Variants in CACNA1S observed in about 807,000 individuals in gnomAD.
CACNA1S encodes voltage-dependent L-type calcium channel subunit alpha-1S.
Under a neutral mutation model 207.4 loss-of-function variants are expected in CACNA1S, and 126 were observed. That is an observed-to-expected ratio of 0.61 (90% CI 0.53 to 0.70). The LOEUF (loss-of-function observed/expected upper bound fraction) is 0.70. CACNA1S is among the 30% of genes least tolerant of loss of function. The pLI, the probability that CACNA1S is intolerant of heterozygous loss-of-function variation, is 0.00. For missense variants in CACNA1S, 2,349 were observed against 2,422.8 expected, an observed-to-expected ratio of 0.97 and a Z score of 0.64; for synonymous variants, 960 against 932.7, an observed-to-expected ratio of 1.03 and a Z score of -0.53.
chr1:201,050,556 A>C (rs1165838429), intron 33 of CACNA1S, 40 bp from the exon 34 acceptor site: 5 of 1,612,826 alleles, frequency 3.1e-6, no homozygotes, highest in Non-Finnish European at 4.2e-6. Flanking sequence ...ACAGAAAGGC[A>C]GGTGGTACAG....
At position 201,112,247 on chromosome 1, in the gene CACNA1S, C is replaced by A. The variant is rs556751671; in HGVS notation, c.93G>T (p.Leu31Phe). Residue 31 changes from leucine (L) to phenylalanine (F), a missense_variant, in exon 1 of 44, where the codon TTG (leucine) becomes TTT (phenylalanine). Leu to Phe is a conservative substitution (Grantham distance 22). Coordinates refer to ENST00000362061, the MANE Select transcript of CACNA1S (RefSeq NM_000069.3). ...GGGGGTTCTCCAGGGTCAGGCAGAA[C>A]AAGGCCCGGGGTGGCCTTGGCAGAA... Reference protein sequence around the residue: ...PEILPRPPRALFCLTLENPLR... With the variant: ...PEILPRPPRAFFCLTLENPLR... The A allele has an allele frequency of 6.2e-7, 1 of 1,613,930 alleles. No homozygotes were observed. Among genetic ancestry groups the A allele is most frequent in the African/African-American group, 1.3e-5 (1 of 74,880 alleles).
chr1:201,097,860 C>A (rs995619109), intron 2 of CACNA1S, among the ~76,000 whole-genome samples: 2 of 152,144 alleles, frequency 1.3e-5, no homozygotes, highest in African/African-American at 2.4e-5. Context: ...TATGGTCCCC[C>A]GACACAGATG....
chr1:201,055,587 G>C (rs951217429), intron 28 of CACNA1S, among the ~76,000 whole-genome samples: 1 of 152,174 alleles, frequency 6.6e-6, no homozygotes, highest in South Asian at 2.1e-4. Context: ...CAGAAATTTG[G>C]TTCCTCAGTT....
At chr1:201,065,042 G>T (rs1018847057) in intron 22 of CACNA1S, among the ~76,000 whole-genome samples, 1 of 152,218 alleles carries the variant, frequency 6.6e-6, no homozygotes, top group South Asian at 2.1e-4. Flanking sequence ...AAGAATGGCT[G>T]TGGGGCCCTG....
At chr1:201,050,649 A>T in intron 33 of CACNA1S, 133 bp from the exon 34 acceptor site, 1 of 926,462 alleles carries the variant, frequency 1.1e-6, no homozygotes, top group Non-Finnish European at 1.7e-6. Context: ...CTTCTGAACC[A>T]CCCACATCAC....
chr1:201,044,258 CCCT>C, intron 39 of CACNA1S, 67 bp downstream of exon 39: 1 of 1,598,104 alleles, frequency 6.3e-7, no homozygotes, highest in South Asian at 1.1e-5. Context: ...GGGCTCCCAG[CCCT>C]CCTCTCTGTG....
At position 201,050,994 on chromosome 1, in the gene CACNA1S, C is replaced by T. The variant is rs780152205; in HGVS notation, c.4103G>A (p.Cys1368Tyr). The T allele has an allele frequency of 6.2e-7, 1 of 1,614,186 alleles. No homozygotes were observed. The highest frequency in any genetic ancestry group is 8.5e-7 in the Non-Finnish European group (1 of 1,180,040). Residue 1368 changes from cysteine to tyrosine, a missense_variant, in exon 33 of 44, where the codon TGT becomes TAT. Physicochemically the swap from Cys to Tyr is radical, Grantham distance 194 (BLOSUM62 -2). Transcript: ENST00000362061. ...CCCTCAGCATCTCACCAGGAAGGCA[C>T]AGAGCATGTAGAAGCTGATGAAGTA... ...YYYFISFYML[C>Y]AFLVINLFVA...
At chr1:201,080,314 C>T (rs548814965) in intron 10 of CACNA1S, among the ~76,000 whole-genome samples, 1 of 152,132 alleles carries the variant, frequency 6.6e-6, no homozygotes, top group Non-Finnish European at 1.5e-5. Flanking sequence ...GGTCATTAAC[C>T]ATTTTCTCAG....
Position 201,082,029 on chromosome 1 carries a change from ATT to A in CACNA1S, c.1393+1131_1393+1132del, listed in dbSNP as rs754037624. 2.4e-4 allele frequency among the ~76,000 whole-genome samples: 30 copies of A among 126,738 alleles called. No individual in the cohort carries two copies. In the South Asian group the frequency reaches 2.5e-3, roughly 11 times the overall value. The allele number at this position is 126,738 out of a possible 152,430, so 83.1% of individuals were successfully genotyped here. A position where few individuals can be genotyped will look rare whatever the true frequency, so the allele number is the denominator to read the frequency against. Reference sequence around the variant, plus strand: ...TTATAAATTACCCAGTCTCAGGTGCATTTTTTTTTTTTTTTTTTGAGACAGAG... The same window carrying A: ...TTATAAATTACCCAGTCTCAGGTGCATTTTTTTTTTTTTTTTGAGACAGAG... On this transcript the variant is annotated intron_variant, in intron 10 of 43. Coordinates refer to ENST00000362061, the MANE Select transcript of CACNA1S (RefSeq NM_000069.3).
intron 12 of CACNA1S, among the ~76,000 whole-genome samples, chr1:201,076,567 C>T (rs1358204261): frequency 1.3e-5 from 2 of 152,026 alleles, no homozygotes; most frequent in African/African-American, 2.4e-5. Context: ...AGAAAAAGCT[C>T]CCCTTATCTG....
chr1:201,108,173 T>A (rs1019647765), intron 2 of CACNA1S, among the ~76,000 whole-genome samples: 1 of 151,660 alleles, frequency 6.6e-6, no homozygotes, highest in African/African-American at 2.4e-5. Context: ...TGGCATGATC[T>A]TGGCTCACTG....
chr1:201,078,015 T>C lies in CACNA1S; in HGVS notation c.1483A>G (p.Ile495Val), dbSNP rs1445165663. Residue 495 changes from isoleucine to valine, a missense_variant, in exon 11 of 44, where the codon ATC becomes GTC. Coordinates refer to ENST00000362061, the MANE Select transcript of CACNA1S (RefSeq NM_000069.3). ...GLGLRQYFMSIFNRFDCFVVC... is the reference protein window; with the variant it reads ...GLGLRQYFMSVFNRFDCFVVC... ...ACGAAGCAGTCGAAGCGGTTGAAGA[T>C]AGACATGAAGTACTGGCGCAGGCCC... 2 of 1,614,108 alleles carry C rather than the reference T, an allele frequency of 1.2e-6. No individual in the cohort carries two copies. Among genetic ancestry groups the C allele is most frequent in the African/African-American group, 1.3e-5 (1 of 75,042 alleles).
At chr1:201,052,503 G>A in intron 32 of CACNA1S, 54 bp downstream of exon 32, 2 of 1,409,432 alleles carry the variant, frequency 1.4e-6, no homozygotes, top group East Asian at 2.3e-5. Flanking sequence ...TTAGAACAGA[G>A]CAAAGGCTGG....
intron 38 of CACNA1S, among the ~76,000 whole-genome samples, chr1:201,046,033 T>A (rs1660457557): frequency 6.6e-6 from 1 of 152,170 alleles, no homozygotes; most frequent in South Asian, 2.1e-4. Flanking sequence ...ACAGCTCAAA[T>A]GCATGTGTAT....
chr1:201,110,095 C>A, intron 2 of CACNA1S, 69 bp downstream of exon 2: 1 of 1,385,404 alleles, frequency 7.2e-7, no homozygotes, highest in South Asian at 1.2e-5. Flanking sequence ...GAACAGAGTC[C>A]ACCAAGGGGG....
chr1:201,085,564 C>G lies in CACNA1S; in HGVS notation c.1022G>C (p.Arg341Pro). 1 of 1,613,618 alleles carries G rather than the reference C, an allele frequency of 6.2e-7. No individual in the cohort carries two copies. Among genetic ancestry groups the G allele is most frequent in the Non-Finnish European group, 8.5e-7 (1 of 1,179,930 alleles). The change falls in exon 8 of 44, where the codon CGG becomes CCG. Residue 341 changes from arginine (R) to proline (P), a missense_variant. Transcript: ENST00000362061. ...GGTTCCCCTGGACTTGGCCTTCTCC[C>G]GCTCCTTGGTGAATTCCCTGAAATG... The part of the protein sequence containing the change: ...GVLSGEFTKE[R>P]EKAKSRGTFQ...
chr1:201,097,987 C>G (rs1419968582), intron 2 of CACNA1S, among the ~76,000 whole-genome samples: 6 of 152,202 alleles, frequency 3.9e-5, no homozygotes, highest in Non-Finnish European at 8.8e-5. Flanking sequence ...TTGAAGGTCA[C>G]TTTATCACTG....
At chr1:201,111,698 A>G (rs1190953940) in intron 1 of CACNA1S, among the ~76,000 whole-genome samples, 3 of 152,110 alleles carry the variant, frequency 2.0e-5, no homozygotes, top group Non-Finnish European at 4.4e-5. Context: ...CAAAGAGGCC[A>G]TCGCATCTTT....
At chr1:201,099,080 C>G (rs923921467) in intron 2 of CACNA1S, among the ~76,000 whole-genome samples, 22 of 152,204 alleles carry the variant, frequency 1.4e-4, no homozygotes, top group Non-Finnish European at 2.6e-4. Context: ...CAGGCTGAGT[C>G]TGCTATTTCC....
Sources: gnomAD v4.1 joint callset for allele counts (sites outside exome capture counted in the v4.1 genomes callset) on GRCh38, gnomAD v4.1.1 for gene constraint, MANE v1.5 for transcripts, NCBI Gene and HGNC (gene_info 2026-07-23, HGNC 2026-07-21) for gene names.